Variants in FOXP1 observed in about 807,000 individuals in gnomAD.
FOXP1 encodes forkhead box protein P1.
In FOXP1, 15 loss-of-function variants were observed where a neutral mutation model predicts 98.2. That is an observed-to-expected ratio of 0.15 (90% confidence interval 0.10 to 0.24). The LOEUF (loss-of-function observed/expected upper bound fraction) is 0.24. FOXP1 is among the 10% of genes least tolerant of loss of function. The pLI, the probability that FOXP1 is intolerant of heterozygous loss-of-function variation, is 1.00. For missense variants in FOXP1, 633 were observed against 848.5 expected (o/e 0.75, Z 3.15); for synonymous variants, 371 against 314.5 (o/e 1.18, Z -1.90).
intron 11 of FOXP1, chr3:71,040,416 T>C (rs920966800): frequency 6.6e-6 from 1 of 152,170 alleles, no homozygotes; most frequent in Non-Finnish European, 1.5e-5. Flanking sequence ...ATGAAATATA[T>C]AGAAAACAGT....
At chr3:71,253,515 G>A (rs549576712) in intron 5 of FOXP1, among the ~76,000 whole-genome samples, 42 of 152,236 alleles carry the variant, frequency 2.8e-4, no homozygotes, top group African/African-American at 1.0e-3. Context: ...ATCATCATCA[G>A]TATTTAATGA....
chr3:71,282,806 G>A (rs1432218165), intron 5 of FOXP1, among the ~76,000 whole-genome samples: 1 of 152,118 alleles, frequency 6.6e-6, no homozygotes, highest in African/African-American at 2.4e-5. Context: ...ACAATTAACT[G>A]AAAGTATTCA....
chr3:71,565,270 C>A (rs1026799317), intron 2 of FOXP1, among the ~76,000 whole-genome samples: 1 of 152,180 alleles, frequency 6.6e-6, no homozygotes, highest in Non-Finnish European at 1.5e-5. Context: ...AACCCACGGG[C>A]AGGCCTTCTA....
At chr3:70,984,493 T>C (rs1482028334) in intron 14 of FOXP1, among the ~76,000 whole-genome samples, 1 of 152,192 alleles carries the variant, frequency 6.6e-6, no homozygotes, top group Non-Finnish European at 1.5e-5. Flanking sequence ...AGTATGTATG[T>C]AGTTTATCTG....
intron 14 of FOXP1, among the ~76,000 whole-genome samples, chr3:70,980,513 G>A (rs1228179795): frequency 6.6e-6 from 1 of 152,158 alleles, no homozygotes; most frequent in Non-Finnish European, 1.5e-5. Flanking sequence ...CTGAGGCTTG[G>A]AGAGATTAAA....
At chr3:71,455,540 A>G (rs1302156106) in intron 3 of FOXP1, among the ~76,000 whole-genome samples, 1 of 152,236 alleles carries the variant, frequency 6.6e-6, no homozygotes, top group Non-Finnish European at 1.5e-5. Flanking sequence ...CATAAAACAA[A>G]TAATGAAAAC....
chr3:71,364,321 T>G (rs1286820142), intron 3 of FOXP1, among the ~76,000 whole-genome samples: 1 of 152,136 alleles, frequency 6.6e-6, no homozygotes, highest in Non-Finnish European at 1.5e-5. Flanking sequence ...AAGCTAAGGG[T>G]AGTAAAAGGA....
chr3:71,164,249 G>C (rs988664102), intron 6 of FOXP1, among the ~76,000 whole-genome samples: 1 of 151,984 alleles, frequency 6.6e-6, no homozygotes, highest in Non-Finnish European at 1.5e-5. Context: ...GCCCAGGCTG[G>C]AGTGCAGTGG....
intron 3 of FOXP1, among the ~76,000 whole-genome samples, chr3:71,444,821 T>C (rs916814140): frequency 6.6e-6 from 1 of 152,104 alleles, no homozygotes; most frequent in Non-Finnish European, 1.5e-5. Flanking sequence ...GCAACTGATG[T>C]TTGCGAGGGA....
chr3:71,023,438 A>G (rs184688749), intron 11 of FOXP1, among the ~76,000 whole-genome samples: 2 of 152,294 alleles, frequency 1.3e-5, no homozygotes, highest in Admixed American at 1.3e-4. Context: ...CTCTTCATAT[A>G]CAATTTTAGC....
chr3:71,469,848 C>T (rs190176113), intron 3 of FOXP1, among the ~76,000 whole-genome samples: 35 of 152,250 alleles, frequency 2.3e-4, no homozygotes, highest in Admixed American at 5.2e-4. Flanking sequence ...TGTGCAGTAG[C>T]TCTCCACATC....
chr3:71,155,133 T>A (rs527599260), intron 6 of FOXP1, among the ~76,000 whole-genome samples: 3 of 152,082 alleles, frequency 2.0e-5, no homozygotes, highest in Admixed American at 6.6e-5. Flanking sequence ...GAAACTCAGG[T>A]TTGTCTCAGT....
chr3:71,309,472 G>A (rs535682544), intron 4 of FOXP1, among the ~76,000 whole-genome samples: 1 of 151,032 alleles, frequency 6.6e-6, no homozygotes, highest in Non-Finnish European at 1.5e-5. Flanking sequence ...ACACAGGCAC[G>A]AAGAAAATAT....
At chr3:71,369,069 C>A (rs1373536375) in intron 3 of FOXP1, among the ~76,000 whole-genome samples, 1 of 152,084 alleles carries the variant, frequency 6.6e-6, no homozygotes, top group Non-Finnish European at 1.5e-5. Context: ...CATCTTGACC[C>A]CATGGGACCA....
chr3:71,505,798 G>A (rs914071604), intron 2 of FOXP1, among the ~76,000 whole-genome samples: 36 of 152,162 alleles, frequency 2.4e-4, no homozygotes, highest in African/African-American at 7.5e-4. Context: ...TCACAACTGT[G>A]GGCATCGTCC....
At chr3:71,303,723 T>A (rs1189917588) in intron 4 of FOXP1, among the ~76,000 whole-genome samples, 2 of 146,970 alleles carry the variant, frequency 1.4e-5, no homozygotes, top group Non-Finnish European at 3.0e-5. Context: ...AAATACTGAG[T>A]AAGATTTCAA....
chr3:71,474,389 T>G (rs1308229456), intron 3 of FOXP1, among the ~76,000 whole-genome samples: 1 of 152,238 alleles, frequency 6.6e-6, no homozygotes, highest in Non-Finnish European at 1.5e-5. Context: ...GACAGATTTC[T>G]GACCCTCATC....
At chr3:71,256,797 C>T (rs1263024860) in intron 5 of FOXP1, among the ~76,000 whole-genome samples, 1 of 152,168 alleles carries the variant, frequency 6.6e-6, no homozygotes, top group Admixed American at 6.5e-5. Context: ...GGGACTTAGA[C>T]TAGGCCTGTC....
In FOXP1 at chr3:71,496,961, A is replaced by AGTGTGTGTGT. The variant is rs148821144; in HGVS notation, c.-297-3416_-297-3407dup. Reference sequence around the variant, plus strand: ...GTGAATCACCACTGTGGTGTGTGGAAGTGTGTGTGTGTGTGTGTGTGTGTT... The same window carrying AGTGTGTGTGT: ...GTGAATCACCACTGTGGTGTGTGGAAGTGTGTGTGTGTGTGTGTGTGTGTGTGTGTGTGTT... On this transcript the variant is annotated intron_variant, in intron 2 of 20. Transcript: ENST00000649528. Among the ~76,000 whole-genome samples the AGTGTGTGTGT allele has an allele frequency of 4.8e-3, 724 of 149,456 alleles. 3 individuals are homozygous for AGTGTGTGTGT. Among genetic ancestry groups the AGTGTGTGTGT allele is most frequent in the African/African-American group, 0.016 (646 of 40,638 alleles).
Sources: allele counts gnomAD v4.1 joint callset (sites outside exome capture counted in the v4.1 genomes callset), GRCh38; gene constraint gnomAD v4.1.1; transcripts MANE v1.5; gene names NCBI Gene and HGNC (gene_info 2026-07-23, HGNC 2026-07-21).